VPS35L: variants seen among roughly 807,000 people sequenced by gnomAD.
VPS35L encodes the protein VPS35 endosomal protein sorting factor like.
Under a neutral mutation model 133.0 loss-of-function variants are expected in VPS35L, and 83 were observed. The observed-to-expected ratio is 0.62, with a 90% CI of 0.52 to 0.75. The LOEUF is 0.75. Ranked by LOEUF, VPS35L falls within the 30% of genes least tolerant of loss-of-function variation. The probability of loss-of-function intolerance (pLI) is 0.00; values close to 1 mark genes in which losing one functional copy is unlikely to be tolerated. For missense variants in VPS35L, 1,083 were observed against 1,206.8 expected (o/e 0.90, Z 1.52); for synonymous variants, 423 against 449.9 (o/e 0.94, Z 0.76).
intron 7 of VPS35L, among the ~76,000 whole-genome samples, chr16:19,584,491 G>A (rs536511869): frequency 6.3e-4 from 96 of 152,084 alleles, no homozygotes; most frequent in Admixed American, 1.8e-3. Context: ...GCTGGGCATG[G>A]TGGCAGGTGC....
At chr16:19,616,538 T>TAA (rs60979764) in intron 13 of VPS35L, 148 bp from the exon 14 acceptor site, 458 of 880,978 alleles carry the variant, frequency 5.2e-4, no homozygotes, top group Middle Eastern at 7.9e-4. Context: ...TTTTTTGGTT[T>TAA]AAAAAAAAAA....
chr16:19,589,999 G>C (rs1337960207), intron 7 of VPS35L, among the ~76,000 whole-genome samples: 1 of 152,122 alleles, frequency 6.6e-6, no homozygotes, highest in Non-Finnish European at 1.5e-5. Flanking sequence ...AATCTCATGG[G>C]GGCAGCTGTT....
intron 9 of VPS35L, 59 bp downstream of exon 9, chr16:19,601,782 T>A: frequency 6.5e-7 from 1 of 1,543,162 alleles, no homozygotes; most frequent in Non-Finnish European, 8.9e-7. Flanking sequence ...CTAGAAGGCT[T>A]TTATTGAGTC....
chr16:19,645,125 A>C (rs1973899430), intron 23 of VPS35L, among the ~76,000 whole-genome samples, 176 bp downstream of exon 23: 1 of 152,066 alleles, frequency 6.6e-6, no homozygotes, highest in African/African-American at 2.4e-5. Context: ...AAAGAGAGCC[A>C]AGACAAACTG....
intron 14 of VPS35L, 161 bp downstream of exon 14, chr16:19,616,969 C>T: frequency 3.8e-6 from 4 of 1,053,266 alleles, no homozygotes; most frequent in Non-Finnish European, 5.7e-6. Flanking sequence ...TGGCTCTGTG[C>T]TGAGTGCTTT....
chr16:19,684,953 A>G (rs1975406800), intron 28 of VPS35L, among the ~76,000 whole-genome samples: 2 of 151,734 alleles, frequency 1.3e-5, no homozygotes, highest in South Asian at 4.2e-4. Flanking sequence ...AGCTACTTGG[A>G]TGGCTGATGC....
rs778699468 is a variant in VPS35L at position 19,564,895 on chromosome 16, G to A, written c.62G>A (p.Arg21Gln). The change falls in exon 2 of 31, where the codon CGA (arginine) becomes CAA (glutamine). Residue 21 changes from arginine to glutamine, a missense_variant. Physicochemically the swap from Arg to Gln is conservative, Grantham distance 43 (BLOSUM62 1). Transcript: ENST00000417362. ...TACAAAGCTGAATTTGCATCATGCC[G>A]ACTGGAGGCTGTACCATTGGAGTTT... ...RNYKAEFASC[R>Q]LEAVPLEFGD... 28 of 1,613,490 alleles carry A rather than the reference G, an allele frequency of 1.7e-5. No individual in the cohort carries two copies. The highest frequency in any genetic ancestry group is 1.7e-4 in the Middle Eastern group (1 of 6,056).
At chr16:19,685,541 G>C (rs1351265416) in intron 28 of VPS35L, among the ~76,000 whole-genome samples, 1 of 152,188 alleles carries the variant, frequency 6.6e-6, no homozygotes, top group Non-Finnish European at 1.5e-5. Context: ...TTGGCTGTCT[G>C]CGTGGAGGTG....
At chr16:19,696,377 C>G (rs539192814) in intron 29 of VPS35L, among the ~76,000 whole-genome samples, 1 of 152,134 alleles carries the variant, frequency 6.6e-6, no homozygotes, top group East Asian at 1.9e-4. Context: ...CTGTGCCGTT[C>G]TGAGAATCAT....
At chr16:19,573,654 A>G (rs1263256805) in intron 4 of VPS35L, among the ~76,000 whole-genome samples, 4 of 152,046 alleles carry the variant, frequency 2.6e-5, no homozygotes, top group Non-Finnish European at 5.9e-5. Context: ...CCCCATCTCT[A>G]CTAAAAAAAT....
chr16:19,627,911 CAGGCGA>C, intron 16 of VPS35L, 106 bp downstream of exon 16: 2 of 850,864 alleles, frequency 2.4e-6, no homozygotes, highest in Non-Finnish European at 3.9e-6. Context: ...AGCAGGAACA[CAGGCGA>C]AGGCTCTGTT....
intron 19 of VPS35L, among the ~76,000 whole-genome samples, chr16:19,634,479 C>T (rs921696068): frequency 6.6e-6 from 1 of 150,924 alleles, no homozygotes; most frequent in Non-Finnish European, 1.5e-5. Context: ...ATAAGAGCAG[C>T]TTTTGAAGGG....
At chr16:19,582,993 C>T (rs1485493535) in intron 7 of VPS35L, among the ~76,000 whole-genome samples, 1 of 151,976 alleles carries the variant, frequency 6.6e-6, no homozygotes, top group Non-Finnish European at 1.5e-5. Flanking sequence ...CATGGTGAAA[C>T]CCATCTCTAC....
At chr16:19,682,185 A>G in intron 27 of VPS35L, 40 bp from the exon 28 acceptor site, 1 of 1,596,600 alleles carries the variant, frequency 6.3e-7, no homozygotes, top group Non-Finnish European at 8.6e-7. Flanking sequence ...TCCCTGCTTC[A>G]TCTTTGGGAT....
chr16:19,562,063 C>T (rs1971046840), intron 1 of VPS35L, among the ~76,000 whole-genome samples: 1 of 152,062 alleles, frequency 6.6e-6, no homozygotes, highest in Non-Finnish European at 1.5e-5. Flanking sequence ...TGAGATCGCA[C>T]CACTGCACTC....
intron 8 of VPS35L, among the ~76,000 whole-genome samples, chr16:19,599,051 T>C (rs1304800298): frequency 6.6e-6 from 1 of 152,124 alleles, no homozygotes; most frequent in African/African-American, 2.4e-5. Context: ...TGTGGCGCTA[T>C]AGGGAACCCA....
intron 8 of VPS35L, among the ~76,000 whole-genome samples, chr16:19,594,232 C>T (rs1037627089): frequency 6.6e-6 from 1 of 151,994 alleles, no homozygotes; most frequent in African/African-American, 2.4e-5. Flanking sequence ...GCTACCTGGG[C>T]AAAAAGAAGA....
chr16:19,650,702 G>C (rs1282765457), intron 25 of VPS35L, among the ~76,000 whole-genome samples: 1 of 151,954 alleles, frequency 6.6e-6, no homozygotes, highest in Non-Finnish European at 1.5e-5. Flanking sequence ...ATGAGCGATG[G>C]ATCTGCATTT....
intron 1 of VPS35L, among the ~76,000 whole-genome samples, chr16:19,556,443 G>A (rs1223675171): frequency 6.6e-6 from 1 of 152,170 alleles, no homozygotes; most frequent in African/African-American, 2.4e-5. Flanking sequence ...TGGCAGGCCC[G>A]TAGGTCCCTT....
Sources: gnomAD v4.1 joint callset for allele counts (sites outside exome capture counted in the v4.1 genomes callset) on GRCh38, gnomAD v4.1.1 for gene constraint, MANE v1.5 for transcripts, NCBI Gene and HGNC (gene_info 2026-07-23, HGNC 2026-07-21) for gene names.